Variants in FBXW10B observed in about 807,000 individuals in gnomAD.
FBXW10B encodes the protein F-box and WD repeat domain containing protein 10B.
At chr17:15,599,972 T>G in the FBXW10B span, among the ~76,000 whole-genome samples, 1,786 of 151,996 alleles carry the variant, frequency 0.012, 46 homozygotes, top group African/African-American at 0.041. Flanking sequence ...ATCCCAGCAC[T>G]TTGGGAGGCT....
the FBXW10B span, chr17:15,593,677 G>A: frequency 1.2e-3 from 318 of 265,080 alleles, 6 homozygotes; most frequent in East Asian, 0.051. Flanking sequence ...TGCCCAGGCT[G>A]GAGTGCAACG....
the FBXW10B span, among the ~76,000 whole-genome samples, chr17:15,599,119 G>A: frequency 2.7e-5 from 4 of 146,964 alleles, no homozygotes; most frequent in African/African-American, 5.1e-5. Flanking sequence ...AGGTTGCAGC[G>A]AGCTGAGATT....
chr17:15,591,975 C>T, the FBXW10B span, among the ~76,000 whole-genome samples: 2 of 152,140 alleles, frequency 1.3e-5, no homozygotes, highest in African/African-American at 4.8e-5. Context: ...CCTCCCTGTC[C>T]CCTTCCTGTG....
the FBXW10B span, among the ~76,000 whole-genome samples, chr17:15,608,303 A>C: frequency 6.9e-6 from 1 of 145,822 alleles, no homozygotes; most frequent in African/African-American, 2.5e-5. Context: ...TTGGGACTAC[A>C]AGCGTGCACC....
At chr17:15,601,850 T>A in the FBXW10B span, among the ~76,000 whole-genome samples, 5 of 152,188 alleles carry the variant, frequency 3.3e-5, no homozygotes, top group Admixed American at 1.3e-4. Context: ...CGGTGGCTCA[T>A]GCCTGTAATC....
the FBXW10B span, among the ~76,000 whole-genome samples, chr17:15,567,778 G>A: frequency 6.6e-6 from 1 of 152,186 alleles, no homozygotes; most frequent in Non-Finnish European, 1.5e-5. Context: ...GTAAATAAAA[G>A]TACATTGTTA....
the FBXW10B span, among the ~76,000 whole-genome samples, chr17:15,571,299 C>G: frequency 6.6e-6 from 1 of 151,096 alleles, no homozygotes; most frequent in African/African-American, 2.4e-5. Context: ...CAGCTAAGAT[C>G]ATGCCACTGC....
the FBXW10B span, among the ~76,000 whole-genome samples, chr17:15,609,311 CCTT>C: frequency 7.0e-6 from 1 of 143,624 alleles, no homozygotes; most frequent in Admixed American, 7.2e-5. Flanking sequence ...TGCTCCCTCT[CCTT>C]CTTAATCTTT....
At chr17:15,604,303 C>T in the FBXW10B span, among the ~76,000 whole-genome samples, 1 of 151,932 alleles carries the variant, frequency 6.6e-6, no homozygotes, top group Admixed American at 6.6e-5. Context: ...AGTTCAAAAA[C>T]AGGCACAAGT....
the FBXW10B span, among the ~76,000 whole-genome samples, chr17:15,601,331 C>G: frequency 6.8e-6 from 1 of 148,080 alleles, no homozygotes; most frequent in African/African-American, 2.5e-5. Flanking sequence ...ATGGCGTGAA[C>G]CCAGGAGGCG....
chr17:15,605,960 A>G, the FBXW10B span, among the ~76,000 whole-genome samples: 3 of 145,868 alleles, frequency 2.1e-5, no homozygotes, highest in South Asian at 6.7e-4. Context: ...GGTGAGTTGA[A>G]TTAATCTTTC....
At chr17:15,566,662 G>A in the FBXW10B span, among the ~76,000 whole-genome samples, 1 of 151,814 alleles carries the variant, frequency 6.6e-6, no homozygotes, top group Admixed American at 6.6e-5. Context: ...CCGGGTTCAC[G>A]CCGTTTTCCT....
At chr17:15,588,560 T>C in the FBXW10B span, 22 of 295,150 alleles carry the variant, frequency 7.5e-5, no homozygotes, top group Non-Finnish European at 1.2e-4. Context: ...AGCTGCCCTA[T>C]AGCCAGGAAG....
chr17:15,601,536 C>T, the FBXW10B span, among the ~76,000 whole-genome samples: 1 of 151,866 alleles, frequency 6.6e-6, no homozygotes, highest in Non-Finnish European at 1.5e-5. Flanking sequence ...TTGCATTTCT[C>T]TATGCCAGCA....
the FBXW10B span, among the ~76,000 whole-genome samples, chr17:15,570,127 T>C: frequency 6.6e-6 from 1 of 152,098 alleles, no homozygotes; most frequent in Non-Finnish European, 1.5e-5. Context: ...AATGGATGGA[T>C]GGACAGGTGG....
chr17:15,598,892 G>A, the FBXW10B span: 61 of 596,756 alleles, frequency 1.0e-4, no homozygotes, highest in Non-Finnish European at 1.5e-4. Context: ...AATAAGAGTC[G>A]TTGGTCAGGC....
the FBXW10B span, chr17:15,596,397 G>C: frequency 7.5e-7 from 1 of 1,333,648 alleles, no homozygotes; most frequent in Non-Finnish European, 1.0e-6. Flanking sequence ...CTTCAGGACT[G>C]TCCTTCTTGA....
the FBXW10B span, chr17:15,589,062 G>A: frequency 1.9e-6 from 3 of 1,605,010 alleles, no homozygotes; most frequent in East Asian, 2.2e-5. Context: ...GCTGGACAGC[G>A]GCCACGGGCA....
the FBXW10B span, among the ~76,000 whole-genome samples, chr17:15,587,601 GC>G: frequency 6.6e-6 from 1 of 151,458 alleles, no homozygotes; most frequent in Non-Finnish European, 1.5e-5. Flanking sequence ...CTCTCCTCTG[GC>G]CCCCTCCCGG....
Sources: gnomAD v4.1 joint callset for allele counts (sites outside exome capture counted in the v4.1 genomes callset) on GRCh38, gnomAD v4.1.1 for gene constraint, MANE v1.5 for transcripts, NCBI Gene and HGNC (gene_info 2026-07-23, HGNC 2026-07-21) for gene names.